The following MCF2L2 variants were observed in gnomAD, a reference collection of about 807,000 sequenced individuals.
The protein encoded by MCF2L2 is MCF.2 cell line derived transforming sequence-like 2, also known as probable guanine nucleotide exchange factor MCF2L2.
MCF2L2 carries 102 observed loss-of-function variants against 150.2 expected under a neutral mutation model. The observed-to-expected ratio is 0.68, with a 90% CI of 0.58 to 0.80. The LOEUF (loss-of-function observed/expected upper bound fraction) is 0.80. Ranked by LOEUF, MCF2L2 falls within the 30% of genes least tolerant of loss-of-function variation. MCF2L2 has a pLI of 0.00. For synonymous variants in MCF2L2, 465 were observed against 491.3 expected (o/e 0.95, Z 0.71); for missense variants, 1,256 against 1,372.8 (o/e 0.91, Z 1.34).
chr3:183,378,799 C>T (rs569383332), intron 3 of MCF2L2: 2 of 151,156 alleles, frequency 1.3e-5, no homozygotes, highest in African/African-American at 4.9e-5. Flanking sequence ...AGGCGGATTA[C>T]TTGAGGTTAG....
At chr3:183,310,713 G>A (rs957999284) in intron 9 of MCF2L2, 3 of 563,322 alleles carry the variant, frequency 5.3e-6, no homozygotes, top group Non-Finnish European at 9.5e-6. Flanking sequence ...ACATCAACAG[G>A]TAAATGGGAT....
At chr3:183,188,878 G>A (rs1721785218) in intron 27 of MCF2L2, among the ~76,000 whole-genome samples, 3 of 152,096 alleles carry the variant, frequency 2.0e-5, no homozygotes, top group Admixed American at 1.3e-4. Context: ...TGAGGCAGGA[G>A]AATCACTTGC....
intron 15 of MCF2L2, among the ~76,000 whole-genome samples, chr3:183,257,140 C>G (rs1440655293): frequency 1.3e-5 from 2 of 152,190 alleles, no homozygotes; most frequent in South Asian, 4.1e-4. Flanking sequence ...GAAATTTGCA[C>G]AGATGGAACA....
chr3:183,265,763 T>C (rs909864776), intron 15 of MCF2L2, among the ~76,000 whole-genome samples: 6 of 152,222 alleles, frequency 3.9e-5, no homozygotes, highest in African/African-American at 1.4e-4. Flanking sequence ...CATTCAAGTA[T>C]TGAGGAGTTT....
chr3:183,250,247 C>T (rs1238623028), intron 15 of MCF2L2, among the ~76,000 whole-genome samples: 3 of 152,122 alleles, frequency 2.0e-5, no homozygotes, highest in African/African-American at 7.2e-5. Flanking sequence ...ATGTGACATA[C>T]CCAAAGACAC....
chr3:183,252,530 T>C (rs1724603105), intron 15 of MCF2L2, among the ~76,000 whole-genome samples: 3 of 152,190 alleles, frequency 2.0e-5, no homozygotes, highest in Admixed American at 2.0e-4. Flanking sequence ...TGTTTTTTCT[T>C]TTAGAGATGG....
At chr3:183,183,917 A>AACACAC (rs35802540) in intron 27 of MCF2L2, among the ~76,000 whole-genome samples, 11 of 151,114 alleles carry the variant, frequency 7.3e-5, no homozygotes, top group African/African-American at 9.7e-5. Context: ...AAACAGAGCA[A>AACACAC]ACACACACAC....
chr3:183,252,746 A>G (rs909734699), intron 15 of MCF2L2, among the ~76,000 whole-genome samples: 1 of 152,180 alleles, frequency 6.6e-6, no homozygotes, highest in Non-Finnish European at 1.5e-5. Flanking sequence ...TTATTTTACT[A>G]AAGTATTTGG....
chr3:183,216,385 A>T (rs1436876016), intron 21 of MCF2L2, among the ~76,000 whole-genome samples: 2 of 145,702 alleles, frequency 1.4e-5, no homozygotes, highest in Non-Finnish European at 3.0e-5. Context: ...TATAGAATTC[A>T]GCTATATAGC....
At chr3:183,335,664 T>G (rs1325243396) in intron 5 of MCF2L2, among the ~76,000 whole-genome samples, 1 of 151,742 alleles carries the variant, frequency 6.6e-6, no homozygotes, top group Non-Finnish European at 1.5e-5. Context: ...GCCCAGGAGT[T>G]TGAGACCAGT....
chr3:183,311,471 C>T (rs1472924308), intron 8 of MCF2L2, among the ~76,000 whole-genome samples, 177 bp downstream of exon 8: 1 of 152,184 alleles, frequency 6.6e-6, no homozygotes, highest in Non-Finnish European at 1.5e-5. Flanking sequence ...ATAAAAAGAT[C>T]TCTGTATGTG....
intron 3 of MCF2L2, chr3:183,377,869 C>A: frequency 6.6e-6 from 1 of 152,152 alleles, no homozygotes; most frequent in Non-Finnish European, 1.5e-5. Flanking sequence ...AAAGGATTCC[C>A]CACATCCTTA....
chr3:183,330,720 GA>G (rs1730238675), intron 5 of MCF2L2, among the ~76,000 whole-genome samples: 1 of 151,976 alleles, frequency 6.6e-6, no homozygotes, highest in South Asian at 2.1e-4. Context: ...TTACAGGATA[GA>G]AATGTTTAAA....
chr3:183,340,598 G>A (rs564313327), intron 4 of MCF2L2, among the ~76,000 whole-genome samples: 1 of 152,202 alleles, frequency 6.6e-6, no homozygotes, highest in African/African-American at 2.4e-5. Context: ...CTCCCACCAT[G>A]CTACTTAAAT....
chr3:183,224,310 G>A, intron 18 of MCF2L2, 120 bp from the exon 19 acceptor site: 1 of 660,590 alleles, frequency 1.5e-6, no homozygotes, highest in Non-Finnish European at 2.7e-6. Context: ...AGGAATTGGG[G>A]GTGTACAGTA....
chr3:183,254,414 C>G (rs1576968106), intron 15 of MCF2L2, among the ~76,000 whole-genome samples: 1 of 151,870 alleles, frequency 6.6e-6, no homozygotes, highest in East Asian at 1.9e-4. Context: ...GAGGCTCGTC[C>G]CCTCCCCGGA....
intron 27 of MCF2L2, among the ~76,000 whole-genome samples, chr3:183,188,793 C>A (rs934028578): frequency 6.6e-6 from 1 of 152,080 alleles, no homozygotes; most frequent in Non-Finnish European, 1.5e-5. Flanking sequence ...CATGGTGAAA[C>A]CCTGTCTCCT....
intron 14 of MCF2L2, among the ~76,000 whole-genome samples, chr3:183,286,490 G>C (rs1727804649): frequency 6.6e-6 from 1 of 151,868 alleles, no homozygotes; most frequent in Non-Finnish European, 1.5e-5. Flanking sequence ...TTAGTCAATT[G>C]ATTTGTCCCC....
chr3:183,242,752 G>C (rs1724086940), intron 15 of MCF2L2, among the ~76,000 whole-genome samples: 2 of 152,122 alleles, frequency 1.3e-5, no homozygotes, highest in South Asian at 4.1e-4. Context: ...TGAGAAGAGG[G>C]ACACCATCCT....
Sources: gnomAD v4.1 joint callset for allele counts (sites outside exome capture counted in the v4.1 genomes callset) on GRCh38, gnomAD v4.1.1 for gene constraint, MANE v1.5 for transcripts, NCBI Gene and HGNC (gene_info 2026-07-23, HGNC 2026-07-21) for gene names.